The following AGAP1 variants were observed in gnomAD, a reference collection of about 807,000 sequenced individuals.
AGAP1 encodes the protein arf-GAP with GTPase, ANK repeat and PH domain-containing protein 1.
A neutral mutation model predicts 105.3 loss-of-function variants in AGAP1; 29 were observed. That is an observed-to-expected ratio of 0.28 (90% CI 0.21 to 0.38). The LOEUF (loss-of-function observed/expected upper bound fraction) is 0.38, where lower values mean the gene tolerates loss of function less well. AGAP1 is among the 10% of genes least tolerant of loss of function. The probability of loss-of-function intolerance (pLI) is 1.00; values close to 1 mark genes in which losing one functional copy is unlikely to be tolerated. For synonymous variants in AGAP1, 509 were observed against 485.9 expected (o/e 1.05, Z -0.63); for missense variants, 998 against 1,165.1 (o/e 0.86, Z 2.09).
chr2:235,646,646 C>T (rs1947397373), intron 1 of AGAP1, among the ~76,000 whole-genome samples: 1 of 152,158 alleles, frequency 6.6e-6, no homozygotes, highest in South Asian at 2.1e-4. Context: ...CTAACTTTTC[C>T]ACCTGATCTC....
In AGAP1 at chr2:235,757,744, C is replaced by T. The variant is rs193037280; in HGVS notation, c.673+7256C>T. 1.2e-4 allele frequency among the ~76,000 whole-genome samples: 19 copies of T among 152,304 alleles called. No homozygotes were observed. The East Asian group carries it at 3.7e-3, about 29-fold the overall frequency. On this transcript the variant is annotated intron_variant, in intron 6 of 17. Transcript: ENST00000304032. ...AGGGAGCCTCGGTGTGCTCTTGATGCTTTGCTTCCAGAGATTGAAATCCTG... is the reference window on the plus strand; with the variant it reads ...AGGGAGCCTCGGTGTGCTCTTGATGTTTTGCTTCCAGAGATTGAAATCCTG...
chr2:235,797,626 C>T (rs1392197229), intron 6 of AGAP1, 133 bp from the exon 7 acceptor site: 1 of 1,193,506 alleles, frequency 8.4e-7, no homozygotes, highest in Admixed American at 1.9e-5. Flanking sequence ...CATTTGCCCA[C>T]CTAAGAACCA....
At position 236,080,894 on chromosome 2, in the gene AGAP1, T is replaced by C. The variant is rs1576256351; in HGVS notation, c.2114+31613T>C. Among the ~76,000 whole-genome samples the C allele has an allele frequency of 6.6e-6, 1 of 152,200 alleles. No individual in the cohort carries two copies. Among genetic ancestry groups the C allele is most frequent in the Non-Finnish European group, 1.5e-5 (1 of 68,032 alleles). ...CCCTCTTATAAGGACCCTTGTATAT[T>C]GGGCCCACCTGGATAATCCAAGATA... On this transcript the variant is annotated intron_variant, in intron 16 of 17. Coordinates refer to ENST00000304032, the MANE Select transcript of AGAP1 (RefSeq NM_001037131.3). The surrounding 1 kb of genome is among the most constrained non-coding windows in gnomAD (Gnocchi z 4.2).
rs1299990923 is a variant in AGAP1 at position 235,574,098 on chromosome 2, C to G, written c.163+79249C>G. 6.6e-6 allele frequency among the ~76,000 whole-genome samples: 1 copy of G among 152,240 alleles called. No homozygotes were observed. The highest frequency in any genetic ancestry group is 6.5e-5 in the Admixed American group (1 of 15,288). On this transcript the variant is annotated intron_variant, in intron 1 of 17. Transcript: ENST00000304032. The surrounding 1 kb of genome is among the most constrained non-coding windows in gnomAD (Gnocchi z 5.0). ...GGCCTGTCCTATCTGAGGTCCACAG[C>G]CTGCAGGGACATCACCTAAAAGTTG...
chr2:235,542,367 A>G (rs962039492), intron 1 of AGAP1, among the ~76,000 whole-genome samples: 1 of 152,250 alleles, frequency 6.6e-6, no homozygotes, highest in Non-Finnish European at 1.5e-5. Flanking sequence ...TTGAATCCTC[A>G]GATGAAAAGG....
intron 9 of AGAP1, among the ~76,000 whole-genome samples, chr2:235,835,416 G>A (rs557303937): frequency 4.6e-5 from 7 of 152,314 alleles, no homozygotes; most frequent in Non-Finnish European, 7.4e-5. Flanking sequence ...AGCTTGGAGC[G>A]TTTTTCTTCC....
chr2:235,985,380 T>C, intron 13 of AGAP1, among the ~76,000 whole-genome samples: 1 of 152,230 alleles, frequency 6.6e-6, no homozygotes, highest in African/African-American at 2.4e-5. Context: ...CTGCAAAATT[T>C]TTCTCCCATT....
chr2:235,863,239 C>T (rs1219721527), intron 9 of AGAP1, among the ~76,000 whole-genome samples: 1 of 152,208 alleles, frequency 6.6e-6, no homozygotes, highest in African/African-American at 2.4e-5. Flanking sequence ...CTGGGAAGCC[C>T]TGTCAAATGG....
At chr2:235,761,727 TAACTA>T (rs1448096821) in intron 6 of AGAP1, among the ~76,000 whole-genome samples, 1 of 152,224 alleles carries the variant, frequency 6.6e-6, no homozygotes, top group Non-Finnish European at 1.5e-5. Flanking sequence ...GAATATTACT[TAACTA>T]GGATAGTCAG....
chr2:236,001,326 C>A lies in AGAP1; in HGVS notation c.1645+32703C>A, dbSNP rs887122257. On this transcript the variant is annotated intron_variant, in intron 13 of 17. Coordinates refer to ENST00000304032, the MANE Select transcript of AGAP1 (RefSeq NM_001037131.3). This position sits in a 1 kb window ranked among gnomAD's most constrained non-coding sequence, Gnocchi z 4.7. Reference sequence around the variant, plus strand: ...ACGCATTTTTGTGGTTTCACGCCACCCAGCGTGCGGTGCATTGTGGCAGGT... The same window carrying A: ...ACGCATTTTTGTGGTTTCACGCCACACAGCGTGCGGTGCATTGTGGCAGGT... Among the ~76,000 whole-genome samples, 1 of 152,236 alleles carries A rather than the reference C, an allele frequency of 6.6e-6. No homozygotes were observed. The highest frequency in any genetic ancestry group is 1.5e-5 in the Non-Finnish European group (1 of 68,044).
At position 236,040,538 on chromosome 2, in the gene AGAP1, T is replaced by G; in HGVS notation, c.1801-213T>G. 1 of 441,552 alleles carries G rather than the reference T, an allele frequency of 2.3e-6. No individual in the cohort carries two copies. The highest frequency in any genetic ancestry group is 4.2e-6 in the Non-Finnish European group (1 of 238,956). The allele number at this position is 441,552 out of a possible 1,614,324, so 27.4% of individuals were successfully genotyped here. ...GTCCGTCTCAGCTGATGAGTTAAAA[T>G]GTGACATTTCCTCCCTCCCCCCGCC... is the stretch of plus-strand genomic sequence containing the variant. On this transcript the variant is annotated intron_variant, in intron 14 of 17. Transcript: ENST00000304032. The surrounding 1 kb of genome is among the most constrained non-coding windows in gnomAD (Gnocchi z 5.6).
rs571456313 is a variant in AGAP1 at position 235,788,129 on chromosome 2, G to A, written c.674-9630G>A. Among the ~76,000 whole-genome samples the A allele has an allele frequency of 1.3e-5, 2 of 152,280 alleles. No homozygotes were observed. The highest frequency in any genetic ancestry group is 4.8e-5 in the African/African-American group (2 of 41,562). On this transcript the variant is annotated intron_variant, in intron 6 of 17. Transcript: ENST00000304032. This position sits in a 1 kb window ranked among gnomAD's most constrained non-coding sequence, Gnocchi z 6.0. ...GGTAGGACTTACTTGAGTAGGGCAG[G>A]AGGTTTTGAAAGGACATGATCATAC...
At chr2:235,592,075 C>T (rs906125457) in intron 1 of AGAP1, among the ~76,000 whole-genome samples, 2 of 152,242 alleles carry the variant, frequency 1.3e-5, no homozygotes, top group African/African-American at 4.8e-5. Flanking sequence ...AGAACAGACT[C>T]ACACAGTCAT....
chr2:235,571,975 TACACACACAC>T (rs371181654), intron 1 of AGAP1, among the ~76,000 whole-genome samples: 11 of 79,034 alleles, frequency 1.4e-4, no homozygotes, highest in East Asian at 9.4e-4. Context: ...TATATATGTA[TACACACACAC>T]ACACACACAC....
In AGAP1 at chr2:236,014,663, C is replaced by T; in HGVS notation, c.1646-21898C>T. 1 of 344,652 alleles carries T rather than the reference C, an allele frequency of 2.9e-6. No individual in the cohort carries two copies. The allele number at this position is 344,652 out of a possible 1,614,324, so 21.3% of individuals were successfully genotyped here. On this transcript the variant is annotated intron_variant, in intron 13 of 17. Transcript: ENST00000304032. The surrounding 1 kb of genome is among the most constrained non-coding windows in gnomAD (Gnocchi z 6.3). ...GGGCTCAGCCCAGGGAGCTCCATGGCACCCACCCGCTTCGCGCAGACAGCT... is the reference window on the plus strand; with the variant it reads ...GGGCTCAGCCCAGGGAGCTCCATGGTACCCACCCGCTTCGCGCAGACAGCT...
intron 13 of AGAP1, among the ~76,000 whole-genome samples, chr2:235,974,391 C>G (rs2054774331): frequency 6.6e-6 from 1 of 152,206 alleles, no homozygotes; most frequent in Non-Finnish European, 1.5e-5. Flanking sequence ...TAGCAAAGAT[C>G]TTTCTTTAAA....
In AGAP1 at chr2:236,002,817, T is replaced by C. The variant is rs1576026481; in HGVS notation, c.1646-33744T>C. Among the ~76,000 whole-genome samples the C allele has an allele frequency of 6.6e-6, 1 of 152,114 alleles. No homozygotes were observed. The highest frequency in any genetic ancestry group is 1.5e-5 in the Non-Finnish European group (1 of 68,024). ...TAAATATAAATATTTATATGATATT[T>C]CTTGCGTTGAATTCAGTATGTGCTC... On this transcript the variant is annotated intron_variant, in intron 13 of 17. Transcript: ENST00000304032. The surrounding 1 kb of genome is among the most constrained non-coding windows in gnomAD (Gnocchi z 4.3).
In AGAP1 at chr2:235,750,493, A is replaced by T; in HGVS notation, c.673+5A>T. The T allele has an allele frequency of 6.2e-7, 1 of 1,614,128 alleles. No homozygotes were observed. Among genetic ancestry groups the T allele is most frequent in the Middle Eastern group, 1.6e-4 (1 of 6,062 alleles). On this transcript the variant is annotated splice_donor_5th_base_variant and intron_variant, in intron 6 of 17. Transcript: ENST00000304032. This position sits in a 1 kb window ranked among gnomAD's most constrained non-coding sequence, Gnocchi z 5.3. The stretch of plus-strand genomic sequence containing the variant: ...TGGAGAGGGTCTTCCAGGACGGTAA[A>T]TGCGCGTGGCTGGGAGTTTAATTTC...
chr2:235,899,342 G>A (rs10460280), intron 10 of AGAP1, among the ~76,000 whole-genome samples: 32,028 of 151,984 alleles, frequency 0.21, 4,139 homozygotes, highest in East Asian at 0.49. Context: ...GTGAAATGCC[G>A]TTTCTACTAA....
Sources: allele counts gnomAD v4.1 joint callset (sites outside exome capture counted in the v4.1 genomes callset), GRCh38; gene constraint gnomAD v4.1.1; non-coding constraint Gnocchi (gnomAD v3.1); transcripts MANE v1.5; gene names NCBI Gene and HGNC (gene_info 2026-07-23, HGNC 2026-07-21).